ARMC2: variants seen among roughly 807,000 people sequenced by gnomAD.
ARMC2 encodes the protein armadillo repeat containing 2.
Under a neutral mutation model 90.3 loss-of-function variants are expected in ARMC2, and 67 were observed. The observed-to-expected ratio is 0.74, with a 90% CI of 0.61 to 0.91. The LOEUF (loss-of-function observed/expected upper bound fraction) is 0.91, where lower values mean the gene tolerates loss of function less well. Among genes scored for constraint, ARMC2 ranks in the 40% least tolerant of loss-of-function variants. ARMC2 has a pLI of 0.00. For missense variants in ARMC2, 920 were observed against 1,030.9 expected (o/e 0.89, Z 1.47); for synonymous variants, 393 against 393.0 (o/e 1.00, Z 0.00).
chr6:109,036,995 G>A, the ARMC2 span, among the ~76,000 whole-genome samples: 1 of 152,252 alleles, frequency 6.6e-6, no homozygotes, highest in African/African-American at 2.4e-5. Context: ...GAAACTTACC[G>A]ATCAAGGTCC....
At chr6:108,965,681 G>C (rs907241071) in intron 17 of ARMC2, among the ~76,000 whole-genome samples, 1 of 152,064 alleles carries the variant, frequency 6.6e-6, no homozygotes, top group African/African-American at 2.4e-5. Flanking sequence ...GTCTTGCTCT[G>C]TCATCCAGGA....
At chr6:109,044,980 G>A in the ARMC2 span, among the ~76,000 whole-genome samples, 286 of 151,462 alleles carry the variant, frequency 1.9e-3, 2 homozygotes, top group Non-Finnish European at 3.1e-3. Context: ...CTGAGATTGC[G>A]CCACTGCACT....
At chr6:108,865,010 T>C (rs1259473255) in intron 3 of ARMC2, among the ~76,000 whole-genome samples, 1 of 151,166 alleles carries the variant, frequency 6.6e-6, no homozygotes, top group Admixed American at 6.6e-5. Flanking sequence ...TTTTTTTTTT[T>C]TTTTTTGAGA....
At chr6:109,012,586 G>T in the ARMC2 span, among the ~76,000 whole-genome samples, 1 of 152,140 alleles carries the variant, frequency 6.6e-6, no homozygotes. Context: ...GTTCAAGATA[G>T]GCTTCCTGAA....
At chr6:109,038,356 G>A in the ARMC2 span, among the ~76,000 whole-genome samples, 4 of 152,220 alleles carry the variant, frequency 2.6e-5, no homozygotes, top group Non-Finnish European at 4.4e-5. Flanking sequence ...GCTAGGTGTG[G>A]TGGTACATGC....
Position 108,961,929 on chromosome 6 carries a change from A to G in ARMC2, c.2039-85A>G, listed in dbSNP as rs1778025920. ...AATTTATTATCATTTGAAAATCATC[A>G]GTATTAAGTATGATGTTGATTTCCA... On this transcript the variant is annotated intron_variant, in intron 14 of 17. Coordinates refer to ENST00000392644, the MANE Select transcript of ARMC2 (RefSeq NM_032131.6). 3.1e-5 allele frequency: 31 copies of G among 1,012,180 alleles called. No individual in the cohort carries two copies. The South Asian group carries it at 5.0e-4, about 16-fold the overall frequency. The allele number at this position is 1,012,180 out of a possible 1,614,324, so 62.7% of individuals were successfully genotyped here.
the ARMC2 span, among the ~76,000 whole-genome samples, chr6:109,041,372 G>A: frequency 6.6e-6 from 1 of 151,990 alleles, no homozygotes; most frequent in Non-Finnish European, 1.5e-5. Context: ...ATGACCTTTT[G>A]CTATTTCTCA....
chr6:108,944,105 AG>A (rs1042247171), intron 12 of ARMC2, among the ~76,000 whole-genome samples: 2 of 152,176 alleles, frequency 1.3e-5, no homozygotes, highest in African/African-American at 4.8e-5. Flanking sequence ...TTGACAGCAG[AG>A]GGGTTCCCAT....
chr6:108,990,870 G>A, the ARMC2 span: 1 of 1,573,016 alleles, frequency 6.4e-7, no homozygotes, highest in Non-Finnish European at 8.7e-7. Flanking sequence ...GTGAATAAAT[G>A]TGGTCAAGTA....
the ARMC2 span, among the ~76,000 whole-genome samples, chr6:109,011,522 T>G: frequency 6.6e-6 from 1 of 152,310 alleles, no homozygotes; most frequent in East Asian, 1.9e-4. Context: ...TTCTCTGCTA[T>G]AGAGCACTAG....
chr6:108,876,020 T>G, intron 4 of ARMC2, 123 bp from the exon 5 acceptor site: 1 of 898,386 alleles, frequency 1.1e-6, no homozygotes, highest in East Asian at 2.7e-5. Flanking sequence ...AATTCCAGAC[T>G]TAATTATAAG....
At chr6:108,849,910 T>A (rs535489894) in intron 1 of ARMC2, among the ~76,000 whole-genome samples, 52 of 152,354 alleles carry the variant, frequency 3.4e-4, no homozygotes, top group African/African-American at 1.1e-3. Context: ...ACTTAACCAC[T>A]GCCTCTTTGG....
At chr6:109,046,424 G>A in the ARMC2 span, among the ~76,000 whole-genome samples, 10 of 150,792 alleles carry the variant, frequency 6.6e-5, no homozygotes, top group Middle Eastern at 3.5e-3. Flanking sequence ...GCATGATCTC[G>A]GCTCACTACA....
chr6:108,964,106 T>G (rs1583225306), intron 15 of ARMC2, 74 bp from the exon 16 acceptor site: 12 of 1,536,294 alleles, frequency 7.8e-6, no homozygotes, highest in Admixed American at 1.9e-5. Context: ...CGTTTCCCCA[T>G]ACCATCTGTA....
chr6:108,881,416 C>T (rs13209961), intron 5 of ARMC2, among the ~76,000 whole-genome samples: 113 of 151,700 alleles, frequency 7.4e-4, no homozygotes, highest in Middle Eastern at 3.4e-3. Flanking sequence ...AGTTAACCTT[C>T]CAGGCCCTAA....
At chr6:108,895,973 T>C (rs758643391) in intron 6 of ARMC2, among the ~76,000 whole-genome samples, 2 of 152,364 alleles carry the variant, frequency 1.3e-5, no homozygotes, top group Non-Finnish European at 2.9e-5. Context: ...ATGTCTGTTA[T>C]ATTCTTCATA....
At chr6:108,892,946 A>C (rs1040900809) in intron 5 of ARMC2, among the ~76,000 whole-genome samples, 4 of 152,216 alleles carry the variant, frequency 2.6e-5, no homozygotes, top group African/African-American at 9.6e-5. Context: ...GGACTATCAC[A>C]TGTATAAGCC....
intron 9 of ARMC2, 147 bp from the exon 10 acceptor site, chr6:108,912,188 T>C: frequency 3.5e-6 from 2 of 570,778 alleles, no homozygotes; most frequent in Non-Finnish European, 2.9e-6. Flanking sequence ...TTTTCTCTTA[T>C]ACTATATAAC....
At chr6:108,928,276 T>C (rs748078901) in intron 11 of ARMC2, 43 bp downstream of exon 11, 1 of 1,421,466 alleles carries the variant, frequency 7.0e-7, no homozygotes, top group Non-Finnish European at 9.3e-7. Flanking sequence ...AAAATGCTAA[T>C]GCTTAGATTT....
Sources: gnomAD v4.1 joint callset for allele counts (sites outside exome capture counted in the v4.1 genomes callset) on GRCh38, gnomAD v4.1.1 for gene constraint, MANE v1.5 for transcripts, NCBI Gene and HGNC (gene_info 2026-07-23, HGNC 2026-07-21) for gene names.